The following SETD1A variants were observed in gnomAD, a reference collection of about 807,000 sequenced individuals.
SETD1A encodes the protein SET domain containing 1A, histone lysine methyltransferase.
Under a neutral mutation model 149.9 loss-of-function variants are expected in SETD1A, and 29 were observed. The observed-to-expected ratio is 0.19, with a 90% CI of 0.14 to 0.26. The LOEUF (loss-of-function observed/expected upper bound fraction) is 0.26, where lower values mean the gene tolerates loss of function less well. Ranked by LOEUF, SETD1A falls within the 10% of genes least tolerant of loss-of-function variation. The pLI, the probability that SETD1A is intolerant of heterozygous loss-of-function variation, is 1.00. For missense variants in SETD1A, 2,109 were observed against 2,353.1 expected, an observed-to-expected ratio of 0.90 and a Z score of 2.15; for synonymous variants, 1,141 against 968.5, an observed-to-expected ratio of 1.18 and a Z score of -3.31.
rs2056112180 is a variant in SETD1A at position 30,964,771 on chromosome 16, A to G, written c.1029A>G (p.Ser343=). ...ATASSSASSS[S]LSSSSSSSSS... is the part of the protein sequence containing the mutation. ...CCTCATCCTCCGCCTCTTCCTCCTC[A>G]TTGTCCTCGTCCTCCTCGTCATCCT... Residue 343 remains serine, a synonymous_variant, in exon 7 of 19, where the codon TCA becomes TCG. Transcript: ENST00000262519. 1 of 1,613,594 alleles carries G rather than the reference A, an allele frequency of 6.2e-7. No individual in the cohort carries two copies.
At chr16:30,966,811 C>T (rs551206249) in intron 8 of SETD1A, 73 bp from the exon 9 acceptor site, 211 of 1,452,918 alleles carry the variant, frequency 1.5e-4, no homozygotes, top group Middle Eastern at 1.1e-3. Context: ...TCCTGGGGTC[C>T]GGGAGTAGGT....
Position 30,983,861 on chromosome 16 carries a change from C to T in SETD1A, c.4962C>T (p.Tyr1654=), listed in dbSNP as rs759725654. The stretch of plus-strand genomic sequence containing the variant: ...CCTTCCATCCGCAGCCTAACTGCTA[C>T]GCCAAGGTCATCACCATCGAGTCCC... ...FINHCCTPNC[Y]AKVITIESQK... is the part of the protein sequence containing the mutation. The change falls in exon 19 of 19, where the codon TAC becomes TAT. Residue 1654 remains tyrosine (Y), a synonymous_variant. Transcript: ENST00000262519. This position sits in a 1 kb window ranked among gnomAD's most constrained non-coding sequence, Gnocchi z 6.8. The T allele has an allele frequency of 3.1e-5, 50 of 1,610,272 alleles. No homozygotes were observed. The highest frequency in any genetic ancestry group is 4.0e-5 in the African/African-American group (3 of 74,898).
intron 13 of SETD1A, among the ~76,000 whole-genome samples, chr16:30,978,361 A>C (rs1342190937): frequency 6.6e-6 from 1 of 151,368 alleles, no homozygotes; most frequent in African/African-American, 2.4e-5. Flanking sequence ...GATTGGTGTT[A>C]GGCACAAAAT....
chr16:30,980,295 C>A lies in SETD1A; in HGVS notation c.4408+101C>A, dbSNP rs2056355162. On this transcript the variant is annotated intron_variant, in intron 14 of 18. Coordinates refer to ENST00000262519, the MANE Select transcript of SETD1A (RefSeq NM_014712.3). The surrounding 1 kb of genome is among the most constrained non-coding windows in gnomAD (Gnocchi z 7.7). ...ACTCTGTCTGCCTCCCCTCTGGCTC[C>A]AAGCCATCTTTTCTCTCCTCCTGGT... 2 of 1,457,706 alleles carry A rather than the reference C, an allele frequency of 1.4e-6. No homozygotes were observed. Among genetic ancestry groups the A allele is most frequent in the Admixed American group, 2.6e-5 (1 of 38,196 alleles). The allele number at this position is 1,457,706 out of a possible 1,614,324, so 90.3% of individuals were successfully genotyped here.
Position 30,964,171 on chromosome 16 carries a change from C to T in SETD1A, c.717C>T (p.Asn239=), listed in dbSNP as rs200912501. 1,005 of 1,614,112 alleles carry T rather than the reference C, an allele frequency of 6.2e-4. 5 individuals are homozygous for T. In the East Asian group the frequency reaches 0.012, roughly 19 times the overall value. ...AGTTAVGTPG[N]GTPCSQDTSF... Reference sequence around the variant, plus strand: ...CCACTGCGGTGGGCACTCCTGGCAACGGCACCCCCTGCTCCCAGGACACAA... The same window carrying T: ...CCACTGCGGTGGGCACTCCTGGCAATGGCACCCCCTGCTCCCAGGACACAA... Residue 239 remains asparagine (N), a synonymous_variant, in exon 6 of 19, where the codon AAC becomes AAT. Transcript: ENST00000262519.
In SETD1A at chr16:30,966,937, G is replaced by T; in HGVS notation, c.2559G>T (p.Thr853=). The change falls in exon 9 of 19, where the codon ACG becomes ACT. Residue 853 remains threonine, a synonymous_variant. Transcript: ENST00000262519. ...QQAKEEDKEK[T]KLKEPGLLSL... is the part of the protein sequence containing the mutation. ...CCAAGGAGGAGGATAAAGAGAAGAC[G>T]AAGCTGAAGGAGCCTGGCCTGCTGT... is the stretch of plus-strand genomic sequence containing the variant. 1 of 1,577,722 alleles carries T rather than the reference G, an allele frequency of 6.3e-7. No homozygotes were observed. Among genetic ancestry groups the T allele is most frequent in the South Asian group, 1.2e-5 (1 of 86,132 alleles).
chr16:30,964,053 T>G (rs1230588321), intron 5 of SETD1A, 41 bp from the exon 6 acceptor site: 227 of 1,517,734 alleles, frequency 1.5e-4, no homozygotes, highest in Middle Eastern at 5.1e-4. Flanking sequence ...AAGTGGTGTT[T>G]GAGCCCATTC....
Position 30,969,426 on chromosome 16 carries a change from A to G in SETD1A, c.2892A>G (p.Glu964=). The change falls in exon 11 of 19, where the codon GAA becomes GAG. Residue 964 remains glutamate, a synonymous_variant. Coordinates refer to ENST00000262519, the MANE Select transcript of SETD1A (RefSeq NM_014712.3). ...GCAAGTCCTTTGCTCTGGACAGCGA[A>G]GGGGAGGAGGCATCCCAGGAGTCCT... ...KHRKSFALDS[E]GEEASQESSS... is the part of the protein sequence containing the mutation. The G allele has an allele frequency of 6.2e-7, 1 of 1,613,624 alleles. No individual in the cohort carries two copies. Among genetic ancestry groups the G allele is most frequent in the Non-Finnish European group, 8.5e-7 (1 of 1,179,756 alleles).
intron 3 of SETD1A, among the ~76,000 whole-genome samples, chr16:30,959,986 C>G (rs1430855493): frequency 6.6e-6 from 1 of 152,266 alleles, no homozygotes; most frequent in East Asian, 1.9e-4. Flanking sequence ...TCCCTCTACT[C>G]ATATGTGGCA....
chr16:30,972,473 TA>T (rs1353338382), intron 13 of SETD1A, among the ~76,000 whole-genome samples: 1 of 151,470 alleles, frequency 6.6e-6, no homozygotes, highest in Admixed American at 6.6e-5. Flanking sequence ...CCATCTCTAC[TA>T]AAAAATACAA....
chr16:30,983,318 A>G lies in SETD1A; in HGVS notation c.4813-317A>G, dbSNP rs2056405665. Among the ~76,000 whole-genome samples, 1 of 152,188 alleles carries G rather than the reference A, an allele frequency of 6.6e-6. No homozygotes were observed. Among genetic ancestry groups the G allele is most frequent in the Non-Finnish European group, 1.5e-5 (1 of 68,022 alleles). On this transcript the variant is annotated intron_variant, in intron 17 of 18. Transcript: ENST00000262519. The surrounding 1 kb of genome is among the most constrained non-coding windows in gnomAD (Gnocchi z 6.8). ...ATTTCAGGAGCTGCCCCAACCCCAG[A>G]CTTGCCCCAGCAGTCCGGGACCCCA...
chr16:30,973,858 T>C (rs541959576), intron 13 of SETD1A, among the ~76,000 whole-genome samples: 6 of 151,994 alleles, frequency 3.9e-5, no homozygotes, highest in Non-Finnish European at 5.9e-5. Context: ...TCTGGGCCCA[T>C]TGGGTAGCAG....
At position 30,965,604 on chromosome 16, in the gene SETD1A, T is replaced by C; in HGVS notation, c.1723T>C (p.Ser575Pro). 2 of 1,609,534 alleles carry C rather than the reference T, an allele frequency of 1.2e-6. No individual in the cohort carries two copies. Among genetic ancestry groups the C allele is most frequent in the Non-Finnish European group, 1.7e-6 (2 of 1,178,638 alleles). ...TGACCCTCTTCTGCCCCCGCAGGCT[T>C]CTCCATGCTCTTCTGGAGACGACAT... ...SPKANGQNQA[S>P]PCSSGDDMEI... Residue 575 changes from serine (S) to proline (P), a missense_variant, in exon 8 of 19, where the codon TCT becomes CCT. By Grantham distance (74) the Ser-to-Pro change is moderately conservative. Around this residue, in one of 8 missense-constraint regions of SETD1A, gnomAD observed 431 missense variants for 388.6 expected, o/e 1.11. Coordinates refer to ENST00000262519, the MANE Select transcript of SETD1A (RefSeq NM_014712.3).
intron 13 of SETD1A, among the ~76,000 whole-genome samples, chr16:30,972,319 G>C (rs2056235049): frequency 6.6e-6 from 1 of 152,126 alleles, no homozygotes; most frequent in South Asian, 2.1e-4. Flanking sequence ...CAGTCTACAG[G>C]GAAAGACATC....
chr16:30,967,129 G>T lies in SETD1A; in HGVS notation c.2682+69G>T, dbSNP rs1270819931. On this transcript the variant is annotated intron_variant, in intron 9 of 18. Coordinates refer to ENST00000262519, the MANE Select transcript of SETD1A (RefSeq NM_014712.3). ...GAGGGGGCCCCCTTCCTTGGGGTAGGGGTGGTCAGGAACCATGAGTGTTTG... is the reference window on the plus strand; with the variant it reads ...GAGGGGGCCCCCTTCCTTGGGGTAGTGGTGGTCAGGAACCATGAGTGTTTG... The T allele has an allele frequency of 3.4e-6, 4 of 1,172,056 alleles. No individual in the cohort carries two copies. In the African/African-American group the frequency reaches 6.2e-5, roughly 18 times the overall value. 72.6% of individuals were successfully genotyped at this position (1,172,056 alleles called of 1,614,324 possible).
At chr16:30,979,057 G>C (rs2056322104) in intron 13 of SETD1A, 88 bp from the exon 14 acceptor site, 1 of 1,335,958 alleles carries the variant, frequency 7.5e-7, no homozygotes, top group Non-Finnish European at 1.0e-6. Flanking sequence ...AAGTGGGGGA[G>C]AGCACACAGC....
At chr16:30,970,613 T>C (rs908536134) in intron 12 of SETD1A, among the ~76,000 whole-genome samples, 1 of 152,094 alleles carries the variant, frequency 6.6e-6, no homozygotes, top group Non-Finnish European at 1.5e-5. Flanking sequence ...TTTCTGTCCT[T>C]CTCCCTCTGT....
At chr16:30,959,890 G>A (rs971358202) in intron 3 of SETD1A, among the ~76,000 whole-genome samples, 1 of 152,028 alleles carries the variant, frequency 6.6e-6, no homozygotes, top group African/African-American at 2.4e-5. Context: ...CTGGTAGGGG[G>A]ACAGTTTCAT....
chr16:30,958,622 G>A lies in SETD1A; in HGVS notation c.-15-95G>A, dbSNP rs1050403522. 11 of 1,092,304 alleles carry A rather than the reference G, an allele frequency of 1.0e-5. No individual in the cohort carries two copies. The African/African-American group carries it at 1.4e-4, about 14-fold the overall frequency. 67.7% of individuals were successfully genotyped at this position (1,092,304 alleles called of 1,614,324 possible). A position where few individuals can be genotyped will look rare whatever the true frequency, so the allele number is the denominator to read the frequency against. On this transcript the variant is annotated intron_variant, in intron 1 of 18. Transcript: ENST00000262519. Reference sequence around the variant, plus strand: ...GGTGAGGGTTGGAAACTGGAGTGATGGGAGAACCTGGAATCGGGGCTAGCC... The same window carrying A: ...GGTGAGGGTTGGAAACTGGAGTGATAGGAGAACCTGGAATCGGGGCTAGCC...
Sources: allele counts gnomAD v4.1 joint callset (sites outside exome capture counted in the v4.1 genomes callset), GRCh38; gene constraint gnomAD v4.1.1; regional missense constraint gnomAD v4.1.1; non-coding constraint Gnocchi (gnomAD v3.1); transcripts MANE v1.5; gene names NCBI Gene and HGNC (gene_info 2026-07-23, HGNC 2026-07-21).